CCBE1: variants seen among roughly 807,000 people sequenced by gnomAD.
The protein encoded by CCBE1 is collagen and calcium-binding EGF domain-containing protein 1.
A neutral mutation model predicts 50.0 loss-of-function variants in CCBE1; 37 were observed. The ratio of observed to expected loss-of-function variants is 0.74; its 90% CI spans 0.57 to 0.97. CCBE1 has a LOEUF of 0.97. Among genes scored for constraint, CCBE1 ranks in the 50% least tolerant of loss-of-function variants. The pLI, the probability that CCBE1 is intolerant of heterozygous loss-of-function variation, is 0.00. For missense variants in CCBE1, 538 were observed against 523.8 expected, an observed-to-expected ratio of 1.03 and a Z score of -0.26; for synonymous variants, 234 against 203.7, an observed-to-expected ratio of 1.15 and a Z score of -1.27.
intron 2 of CCBE1, among the ~76,000 whole-genome samples, chr18:59,552,511 A>G (rs1461976289): frequency 6.6e-6 from 1 of 152,208 alleles, no homozygotes; most frequent in African/African-American, 2.4e-5. Context: ...CAGCACCTGG[A>G]GCCAACCCAA....
intron 2 of CCBE1, among the ~76,000 whole-genome samples, chr18:59,513,449 C>T (rs555581864): frequency 1.1e-4 from 17 of 152,326 alleles, no homozygotes; most frequent in South Asian, 4.2e-4. Context: ...CAGGAAAGGA[C>T]GCTTTTCAAC....
At chr18:59,529,283 T>C (rs954816706) in intron 2 of CCBE1, among the ~76,000 whole-genome samples, 3 of 152,174 alleles carry the variant, frequency 2.0e-5, no homozygotes, top group Non-Finnish European at 4.4e-5. Flanking sequence ...CTGTGGGGAA[T>C]TCCTCCCAGG....
chr18:59,640,056 C>T (rs2053966064), intron 2 of CCBE1, among the ~76,000 whole-genome samples: 1 of 152,172 alleles, frequency 6.6e-6, no homozygotes, highest in Admixed American at 6.5e-5. Context: ...AATGGCCATA[C>T]TCCCCAAAGC....
chr18:59,519,552 A>C (rs1914511712), intron 2 of CCBE1, among the ~76,000 whole-genome samples: 1 of 152,182 alleles, frequency 6.6e-6, no homozygotes, highest in African/African-American at 2.4e-5. Flanking sequence ...AATTGTTAGA[A>C]TGGTGTGAAA....
intron 2 of CCBE1, among the ~76,000 whole-genome samples, chr18:59,541,789 G>A (rs957023287): frequency 2.6e-5 from 4 of 152,112 alleles, no homozygotes; most frequent in Admixed American, 1.3e-4. Flanking sequence ...ATGTGATGGA[G>A]AAGACAGATT....
chr18:59,691,239 A>G (rs549058418), intron 2 of CCBE1, among the ~76,000 whole-genome samples: 2 of 152,362 alleles, frequency 1.3e-5, no homozygotes, highest in South Asian at 4.1e-4. Flanking sequence ...ATAGTCATGA[A>G]TGAGGACAGA....
chr18:59,643,704 C>T (rs981087261), intron 2 of CCBE1, among the ~76,000 whole-genome samples: 1 of 152,030 alleles, frequency 6.6e-6, no homozygotes, highest in African/African-American at 2.4e-5. Context: ...ACCTGTAATC[C>T]CAGCTACTCA....
chr18:59,601,527 T>C (rs940811638), intron 2 of CCBE1, among the ~76,000 whole-genome samples: 1 of 152,158 alleles, frequency 6.6e-6, no homozygotes, highest in Non-Finnish European at 1.5e-5. Context: ...CCTCTTTCCT[T>C]TATAAATTAC....
intron 2 of CCBE1, among the ~76,000 whole-genome samples, chr18:59,573,586 CAG>C (rs953319548): frequency 2.6e-4 from 40 of 151,762 alleles, no homozygotes; most frequent in African/African-American, 9.7e-4. Context: ...ATTTTTAACC[CAG>C]AGTCTCCAAG....
chr18:59,479,038 G>T (rs922433880), intron 3 of CCBE1, among the ~76,000 whole-genome samples: 4 of 152,182 alleles, frequency 2.6e-5, no homozygotes, highest in Non-Finnish European at 5.9e-5. Flanking sequence ...AAATGGGAGG[G>T]ATTCATCTGT....
At chr18:59,464,811 C>T (rs1425119188) in intron 5 of CCBE1, 1 of 152,298 alleles carries the variant, frequency 6.6e-6, no homozygotes, top group South Asian at 2.1e-4. Context: ...GCTTGGGCTA[C>T]ACCCAAGAAT....
chr18:59,473,347 A>G (rs566707004), intron 3 of CCBE1, among the ~76,000 whole-genome samples: 1 of 152,168 alleles, frequency 6.6e-6, no homozygotes, highest in Non-Finnish European at 1.5e-5. Flanking sequence ...GTGAGATTCA[A>G]ACTCTTGAGC....
At chr18:59,641,102 A>C (rs1448369903) in intron 2 of CCBE1, among the ~76,000 whole-genome samples, 1 of 152,174 alleles carries the variant, frequency 6.6e-6, no homozygotes, top group African/African-American at 2.4e-5. Context: ...GTGACCCCTC[A>C]ATCCCATTAC....
chr18:59,547,409 G>A (rs990671383), intron 2 of CCBE1, among the ~76,000 whole-genome samples: 90 of 152,262 alleles, frequency 5.9e-4, no homozygotes, highest in Non-Finnish European at 2.9e-5. Flanking sequence ...AAAGAGCCCT[G>A]TTTTCAAGAT....
At position 59,439,717 on chromosome 18, in the gene CCBE1, G is replaced by C; in HGVS notation, c.875C>G (p.Pro292Arg). Residue 292 changes from proline to arginine, a missense_variant, in exon 8 of 11, where the codon CCT becomes CGT. Physicochemically the swap from Pro to Arg is moderately radical, Grantham distance 103. Coordinates refer to ENST00000439986, the MANE Select transcript of CCBE1 (RefSeq NM_133459.4). The stretch of plus-strand genomic sequence containing the variant: ...GCCTTGCTTAATGTGGGACAGATCA[G>C]GAGATGGTCCCATGGGTCCCATTGA... ...RGSMGPMGPS[P>R]DLSHIKQGRR... The C allele has an allele frequency of 6.2e-7, 1 of 1,614,262 alleles. No individual in the cohort carries two copies. Among genetic ancestry groups the C allele is most frequent in the Non-Finnish European group, 8.5e-7 (1 of 1,180,036 alleles).
chr18:59,458,364 A>C (rs1246612373), intron 5 of CCBE1, among the ~76,000 whole-genome samples: 1 of 151,914 alleles, frequency 6.6e-6, no homozygotes, highest in African/African-American at 2.4e-5. Flanking sequence ...ACCTTTAAGA[A>C]TCTAGCCCTG....
chr18:59,565,857 G>A (rs934128888), intron 2 of CCBE1, among the ~76,000 whole-genome samples: 3 of 151,398 alleles, frequency 2.0e-5, no homozygotes, highest in East Asian at 1.9e-4. Flanking sequence ...AAAGAAAATC[G>A]AATGCAAAAC....
chr18:59,455,241 T>C (rs1911135915), intron 5 of CCBE1: 3 of 491,778 alleles, frequency 6.1e-6, no homozygotes, highest in Non-Finnish European at 1.1e-5. Flanking sequence ...ATGCGTACCA[T>C]GGCCTTTTAT....
chr18:59,517,172 C>T (rs1418642517), intron 2 of CCBE1, among the ~76,000 whole-genome samples: 2 of 152,158 alleles, frequency 1.3e-5, no homozygotes, highest in Non-Finnish European at 2.9e-5. Context: ...TCTATTTTCT[C>T]ATTTTTGAAA....
Sources: gnomAD v4.1 joint callset for allele counts (sites outside exome capture counted in the v4.1 genomes callset) on GRCh38, gnomAD v4.1.1 for gene constraint, MANE v1.5 for transcripts, NCBI Gene and HGNC (gene_info 2026-07-23, HGNC 2026-07-21) for gene names.